Variants in HFM1 observed in about 807,000 individuals in gnomAD.
HFM1 encodes the protein probable ATP-dependent DNA helicase HFM1.
Under a neutral mutation model 192.1 loss-of-function variants are expected in HFM1, and 169 were observed. The ratio of observed to expected loss-of-function variants is 0.88; its 90% CI spans 0.78 to 1.00. The LOEUF (loss-of-function observed/expected upper bound fraction) is 1.00, where lower values mean the gene tolerates loss of function less well. Among genes scored for constraint, HFM1 ranks in the 50% least tolerant of loss-of-function variants. The pLI, the probability that HFM1 is intolerant of heterozygous loss-of-function variation, is 0.00. For synonymous variants in HFM1, 525 were observed against 537.8 expected (o/e 0.98, Z 0.33); for missense variants, 1,661 against 1,668.0 (o/e 1.00, Z 0.07).
At position 91,263,919 on chromosome 1, in the gene HFM1, C is replaced by T. The variant is rs192484364; in HGVS notation, c.3975-1327G>A. On this transcript the variant is annotated intron_variant, in intron 36 of 38. Transcript: ENST00000370425. Reference sequence around the variant, plus strand: ...TGTTGTTTTTTAAAGGTGTGGTGCACAAAACTGTTCATATGCCTTGTTACC... The same window carrying T: ...TGTTGTTTTTTAAAGGTGTGGTGCATAAAACTGTTCATATGCCTTGTTACC... 2.2e-3 allele frequency among the ~76,000 whole-genome samples: 337 copies of T among 152,176 alleles called. 2 individuals are homozygous for T. The highest frequency in any genetic ancestry group is 0.01 in the Middle Eastern group (3 of 294).
At chr1:91,401,571 A>C (rs575367682) in intron 1 of HFM1, among the ~76,000 whole-genome samples, 1 of 152,324 alleles carries the variant, frequency 6.6e-6, no homozygotes, top group South Asian at 2.1e-4. Flanking sequence ...TACTATGTAC[A>C]TATGCAGGGA....
intron 13 of HFM1, among the ~76,000 whole-genome samples, chr1:91,364,685 T>C (rs943144446): frequency 4.2e-5 from 6 of 142,086 alleles, no homozygotes; most frequent in African/African-American, 1.6e-4. Flanking sequence ...GGCTGGAGTG[T>C]GCAGTGGCAC....
chr1:91,379,990 A>G, intron 8 of HFM1, 114 bp downstream of exon 8: 2 of 467,292 alleles, frequency 4.3e-6, no homozygotes, highest in Non-Finnish European at 7.4e-6. Context: ...CTTTACTAGA[A>G]ATATATAGAA....
intron 15 of HFM1, among the ~76,000 whole-genome samples, 154 bp from the exon 16 acceptor site, chr1:91,352,805 C>T (rs936482425): frequency 1.3e-5 from 2 of 151,806 alleles, no homozygotes; most frequent in East Asian, 3.9e-4. Context: ...AATAGTAACA[C>T]ACCTTAAATC....
intron 30 of HFM1, among the ~76,000 whole-genome samples, chr1:91,308,558 C>T (rs281982): frequency 1 from 152,100 of 152,282 alleles, 75,959 homozygotes; most frequent in Non-Finnish European, 1. Flanking sequence ...TGTGGTCTTG[C>T]TATGTGGTCC....
intron 30 of HFM1, among the ~76,000 whole-genome samples, chr1:91,288,681 C>T (rs968840098): frequency 1.3e-5 from 2 of 152,092 alleles, no homozygotes; most frequent in Non-Finnish European, 2.9e-5. Context: ...CGTTTGAGAG[C>T]ACAGGGTTGG....
rs761013477 is a variant in HFM1 at position 91,319,174 on chromosome 1, A to G, written c.2716T>C (p.Phe906Leu). 1.2e-6 allele frequency: 2 copies of G among 1,609,370 alleles called. No homozygotes were observed. The highest frequency in any genetic ancestry group is 1.1e-5 in the South Asian group (1 of 89,540). The part of the protein sequence containing the change: ...SDFVAAQEKK[F>L]AVLLNSLILA... ...ATCAAACTATTCAATAGTACAGCAA[A>G]CTTCTTTTCTTGAGCAGCTACAAAA... Residue 906 changes from phenylalanine (F) to leucine (L), a missense_variant, in exon 25 of 39, where the codon TTT becomes CTT. Transcript: ENST00000370425.
chr1:91,364,967 C>A (rs1045870208), intron 13 of HFM1, among the ~76,000 whole-genome samples: 3 of 151,804 alleles, frequency 2.0e-5, no homozygotes, highest in African/African-American at 7.3e-5. Flanking sequence ...CACACACATA[C>A]ACACACACAT....
chr1:91,313,929 C>A (rs914894797), intron 29 of HFM1, 28 bp downstream of exon 29: 2 of 1,181,982 alleles, frequency 1.7e-6, no homozygotes, highest in Admixed American at 3.8e-5. Flanking sequence ...TATTTATATT[C>A]ATGTCTTCAT....
At chr1:91,328,582 T>C (rs1653296703) in intron 20 of HFM1, 4 of 1,609,398 alleles carry the variant, frequency 2.5e-6, no homozygotes, top group African/African-American at 1.3e-5. Context: ...GATAGGCATG[T>C]TCTACCGCAC....
In HFM1 at chr1:91,319,333, A is replaced by G. The variant is rs1409855246; in HGVS notation, c.2640T>C (p.Asp880=). 1 of 1,612,936 alleles carries G rather than the reference A, an allele frequency of 6.2e-7. No homozygotes were observed. The highest frequency in any genetic ancestry group is 8.5e-7 in the Non-Finnish European group (1 of 1,178,972). ...AGCCATGTCTGAAAATCTTTGCGGTATCTTGTGTCAAAGCAAAATCTTGTA... is the reference window on the plus strand; with the variant it reads ...AGCCATGTCTGAAAATCTTTGCGGTGTCTTGTGTCAAAGCAAAATCTTGTA... ...IPIQDFALTQ[D]TAKIFRHGSR... Residue 880 remains aspartate (D), a synonymous_variant, in exon 24 of 39, where the codon GAT becomes GAC. Coordinates refer to ENST00000370425, the MANE Select transcript of HFM1 (RefSeq NM_001017975.6).
chr1:91,336,458 T>A (rs952295242), intron 20 of HFM1, among the ~76,000 whole-genome samples: 6 of 151,720 alleles, frequency 4.0e-5, no homozygotes, highest in African/African-American at 1.5e-4. Context: ...CTTCTTTCCC[T>A]CTATCCCTAT....
intron 30 of HFM1, among the ~76,000 whole-genome samples, chr1:91,287,553 C>T (rs1454210313): frequency 6.6e-6 from 1 of 152,092 alleles, no homozygotes; most frequent in East Asian, 1.9e-4. Context: ...GATAAAACCA[C>T]AAAGATAGGG....
intron 30 of HFM1, among the ~76,000 whole-genome samples, chr1:91,307,831 CCTCTTTCTTT>C (rs1177288521): frequency 2.0e-5 from 3 of 151,770 alleles, no homozygotes; most frequent in Non-Finnish European, 4.4e-5. Context: ...TCTCTTTCTT[CCTCTTTCTTT>C]CTCTTCTTTC....
intron 30 of HFM1, among the ~76,000 whole-genome samples, chr1:91,291,818 A>C (rs983326021): frequency 1.3e-4 from 20 of 152,226 alleles, no homozygotes; most frequent in African/African-American, 4.8e-4. Context: ...ATACTGGCAA[A>C]CCGAATCCAG....
At chr1:91,394,523 G>A (rs1663410521) in intron 3 of HFM1, 121 bp from the exon 4 acceptor site, 2 of 621,164 alleles carry the variant, frequency 3.2e-6, no homozygotes, top group Non-Finnish European at 5.6e-6. Context: ...CAAAGCACTA[G>A]TAATAAGCTC....
At chr1:91,299,786 T>C (rs1462586912) in intron 30 of HFM1, among the ~76,000 whole-genome samples, 2 of 152,100 alleles carry the variant, frequency 1.3e-5, no homozygotes. Flanking sequence ...TTCAAAGCAG[T>C]GTGTAGAGGG....
chr1:91,384,887 G>A (rs751294158), intron 6 of HFM1, among the ~76,000 whole-genome samples: 17 of 152,012 alleles, frequency 1.1e-4, no homozygotes, highest in Admixed American at 2.0e-4. Context: ...GGGATTACAG[G>A]TGCACACCAC....
At chr1:91,306,036 A>G (rs776539376) in intron 30 of HFM1, among the ~76,000 whole-genome samples, 1 of 152,148 alleles carries the variant, frequency 6.6e-6, no homozygotes, top group East Asian at 1.9e-4. Context: ...GATATTCTTT[A>G]TATTTAAGAA....
Sources: gnomAD v4.1 joint callset for allele counts (sites outside exome capture counted in the v4.1 genomes callset) on GRCh38, gnomAD v4.1.1 for gene constraint, MANE v1.5 for transcripts, NCBI Gene and HGNC (gene_info 2026-07-23, HGNC 2026-07-21) for gene names.